Variants in ANTXR2 observed in about 807,000 individuals in gnomAD.
ANTXR2 encodes ANTXR cell adhesion molecule 2, also known as anthrax toxin receptor 2.
ANTXR2 carries 44 observed loss-of-function variants against 73.7 expected under a neutral mutation model. The observed-to-expected ratio is 0.60, with a 90% confidence interval of 0.47 to 0.77. ANTXR2 has a LOEUF of 0.77. ANTXR2 is among the 30% of genes least tolerant of loss of function. The pLI is 0.00. For synonymous variants in ANTXR2, 217 were observed against 205.9 expected (o/e 1.05, Z -0.46); for missense variants, 604 against 592.5 (o/e 1.02, Z -0.20).
chr4:80,028,424 C>T (rs1209295046), intron 10 of ANTXR2, among the ~76,000 whole-genome samples: 1 of 151,994 alleles, frequency 6.6e-6, no homozygotes, highest in Non-Finnish European at 1.5e-5. Flanking sequence ...AAGAATAATC[C>T]TCAAACAAAG....
chr4:79,919,133 A>G (rs930143706), intron 16 of ANTXR2, among the ~76,000 whole-genome samples: 1 of 152,160 alleles, frequency 6.6e-6, no homozygotes, highest in Non-Finnish European at 1.5e-5. Context: ...AAAAGAATGG[A>G]TATGGCAAAT....
chr4:80,067,363 G>C (rs1366082735), intron 3 of ANTXR2, among the ~76,000 whole-genome samples: 1 of 152,210 alleles, frequency 6.6e-6, no homozygotes. Flanking sequence ...TGGTCACCCA[G>C]TGACCTACAC....
chr4:80,005,211 A>T, intron 12 of ANTXR2, among the ~76,000 whole-genome samples: 1 of 152,130 alleles, frequency 6.6e-6, no homozygotes, highest in East Asian at 1.9e-4. Context: ...TACGATGCTC[A>T]TGGAGGTGGA....
chr4:80,047,051 T>A (rs1015063173), intron 7 of ANTXR2, among the ~76,000 whole-genome samples: 2 of 151,790 alleles, frequency 1.3e-5, no homozygotes, highest in African/African-American at 4.8e-5. Context: ...TCCAACAGGT[T>A]AATGTTAAGA....
chr4:79,965,214 TTTCAAGCGGCAGA>T (rs1369388241), intron 16 of ANTXR2: 1 of 151,910 alleles, frequency 6.6e-6, no homozygotes, highest in Non-Finnish European at 1.5e-5. Context: ...TAAACTTGAG[TTTCAAGCGGCAGA>T]ATCTGCAGTA....
chr4:80,005,968 T>C (rs554891390), intron 12 of ANTXR2, among the ~76,000 whole-genome samples: 40 of 152,142 alleles, frequency 2.6e-4, no homozygotes, highest in Admixed American at 7.2e-4. Flanking sequence ...CCTAGCACAG[T>C]AGGTCTCAGC....
At chr4:79,912,119 C>T (rs930872134) in intron 16 of ANTXR2, among the ~76,000 whole-genome samples, 15 of 151,684 alleles carry the variant, frequency 9.9e-5, no homozygotes, top group African/African-American at 2.7e-4. Context: ...ATTAATTTTG[C>T]ATGACATAAA....
chr4:80,041,023 C>G (rs888841837), intron 7 of ANTXR2, among the ~76,000 whole-genome samples: 3 of 152,046 alleles, frequency 2.0e-5, no homozygotes, highest in Non-Finnish European at 4.4e-5. Flanking sequence ...TAATAGTTAA[C>G]CATTCATTGG....
At chr4:79,910,514 A>C (rs1232109380) in intron 16 of ANTXR2, among the ~76,000 whole-genome samples, 1 of 121,968 alleles carries the variant, frequency 8.2e-6, no homozygotes, top group Admixed American at 8.4e-5. Flanking sequence ...TCTCAAAAAA[A>C]AAAAAAAAGA....
intron 16 of ANTXR2, among the ~76,000 whole-genome samples, chr4:79,933,532 G>A (rs895721530): frequency 2.6e-5 from 4 of 151,838 alleles, no homozygotes; most frequent in Non-Finnish European, 5.9e-5. Context: ...TTTGGTTTTT[G>A]TTTTGTTTTG....
intron 3 of ANTXR2, among the ~76,000 whole-genome samples, chr4:80,058,033 T>C (rs1342329575): frequency 2.0e-5 from 3 of 152,080 alleles, no homozygotes; most frequent in African/African-American, 7.2e-5. Context: ...AAAAGTCAAA[T>C]ATTTGGTGCT....
At chr4:80,005,103 C>T (rs1203184348) in intron 12 of ANTXR2, among the ~76,000 whole-genome samples, 1 of 152,062 alleles carries the variant, frequency 6.6e-6, no homozygotes, top group African/African-American at 2.4e-5. Context: ...TTTTATAAAA[C>T]ATGAAATGAC....
intron 12 of ANTXR2, among the ~76,000 whole-genome samples, chr4:79,989,576 C>T (rs1447701237): frequency 6.6e-6 from 1 of 152,054 alleles, no homozygotes; most frequent in Non-Finnish European, 1.5e-5. Flanking sequence ...GGTACCAATC[C>T]TACTGAAACT....
chr4:80,036,880 G>A (rs1283683504), intron 7 of ANTXR2, among the ~76,000 whole-genome samples: 5 of 152,114 alleles, frequency 3.3e-5, no homozygotes, highest in Admixed American at 3.3e-4. Context: ...TAATTCCTGT[G>A]GGTGCTAGTC....
At chr4:79,987,185 G>A (rs997200778) in intron 12 of ANTXR2, among the ~76,000 whole-genome samples, 2 of 151,530 alleles carry the variant, frequency 1.3e-5, no homozygotes, top group African/African-American at 4.9e-5. Flanking sequence ...TGGCGGAGAA[G>A]CCCAGTGAGA....
At chr4:80,002,084 A>C (rs1731071464) in intron 12 of ANTXR2, among the ~76,000 whole-genome samples, 2 of 152,136 alleles carry the variant, frequency 1.3e-5, no homozygotes. Context: ...GGAACCAAAA[A>C]AGAGCCCGCA....
At chr4:80,016,846 T>A (rs1731895345) in intron 11 of ANTXR2, among the ~76,000 whole-genome samples, 1 of 152,244 alleles carries the variant, frequency 6.6e-6, no homozygotes, top group African/African-American at 2.4e-5. Context: ...TGTCTAGGCA[T>A]CCCATAAACT....
chr4:79,979,865 C>T (rs965841883), intron 14 of ANTXR2, among the ~76,000 whole-genome samples: 1 of 151,860 alleles, frequency 6.6e-6, no homozygotes. Context: ...AAAAAAGATA[C>T]ACAATTAAGT....
In ANTXR2 at chr4:80,072,479, C is replaced by A; in HGVS notation, c.82G>T (p.Gly28Trp). ...TGCTCCTGGGCGCGCAGCAGCCCCCCGGGACCGCTGAGCACCAACAGCCAC... is the reference window on the plus strand; with the variant it reads ...TGCTCCTGGGCGCGCAGCAGCCCCCAGGGACCGCTGAGCACCAACAGCCAC... ...GLWLLVLSGP[G>W]GLLRAQEQPS... Residue 28 changes from glycine (G) to tryptophan (W), a missense_variant, in exon 1 of 17, where the codon GGG (glycine) becomes TGG (tryptophan). By Grantham distance (184) the Gly-to-Trp change is radical (BLOSUM62 -2). Coordinates refer to ENST00000403729, the MANE Select transcript of ANTXR2 (RefSeq NM_058172.6). 2 of 1,610,110 alleles carry A rather than the reference C, an allele frequency of 1.2e-6. No homozygotes were observed. The highest frequency in any genetic ancestry group is 1.7e-5 in the Admixed American group (1 of 59,736).
Sources: allele counts gnomAD v4.1 joint callset (sites outside exome capture counted in the v4.1 genomes callset), GRCh38; gene constraint gnomAD v4.1.1; transcripts MANE v1.5; gene names NCBI Gene and HGNC (gene_info 2026-07-23, HGNC 2026-07-21).